SNX29: variants seen among roughly 807,000 people sequenced by gnomAD.
SNX29 encodes the protein sorting nexin-29.
SNX29 carries 78 observed loss-of-function variants against 102.1 expected under a neutral mutation model. The ratio of observed to expected loss-of-function variants is 0.76; its 90% CI spans 0.64 to 0.92. SNX29 has a LOEUF of 0.92. Ranked by LOEUF, SNX29 falls within the 40% of genes least tolerant of loss-of-function variation. The pLI is 0.00. For synonymous variants in SNX29, 580 were observed against 414.5 expected, an observed-to-expected ratio of 1.40 and a Z score of -4.85; for missense variants, 1,280 against 1,061.7, an observed-to-expected ratio of 1.21 and a Z score of -2.86.
chr16:12,291,212 A>G (rs1456013538), intron 15 of SNX29, among the ~76,000 whole-genome samples: 2 of 152,198 alleles, frequency 1.3e-5, no homozygotes, highest in Non-Finnish European at 2.9e-5. Context: ...TGATAAAGAC[A>G]TGCCCAAGAC....
chr16:12,551,477 G>C (rs888997015), intron 20 of SNX29, among the ~76,000 whole-genome samples: 1 of 152,144 alleles, frequency 6.6e-6, no homozygotes, highest in Non-Finnish European at 1.5e-5. Flanking sequence ...GGCCCTGCCT[G>C]GTTAATGCAA....
chr16:12,477,801 A>G lies in SNX29; in HGVS notation c.2120A>G (p.Asn707Ser). 2 of 1,613,608 alleles carry G rather than the reference A, an allele frequency of 1.2e-6. No homozygotes were observed. The highest frequency in any genetic ancestry group is 1.7e-6 in the Non-Finnish European group (2 of 1,179,774). Residue 707 changes from asparagine to serine, a missense_variant, in exon 19 of 21, where the codon AAC becomes AGC. By Grantham distance (46) the Asn-to-Ser change is conservative. Transcript: ENST00000566228. Reference protein sequence around the residue: ...EFRSLHHKLQNKYPQVRAYNF... With the variant: ...EFRSLHHKLQSKYPQVRAYNF... ...AGGAGTTTGCACCACAAGTTACAAA[A>G]CAAGTACCCTCAAGTGAGGGCCTAC... is the stretch of plus-strand genomic sequence containing the variant.
intron 15 of SNX29, among the ~76,000 whole-genome samples, chr16:12,351,532 T>C (rs1250331870): frequency 2.0e-5 from 3 of 152,158 alleles, no homozygotes; most frequent in Non-Finnish European, 4.4e-5. Flanking sequence ...TACTTGAATG[T>C]GATTAGATGG....
intron 15 of SNX29, among the ~76,000 whole-genome samples, chr16:12,337,578 G>T (rs549563063): frequency 1.3e-5 from 2 of 152,156 alleles, no homozygotes; most frequent in African/African-American, 4.8e-5. Flanking sequence ...CTGGGTTCAA[G>T]CGATCCTCCC....
chr16:12,555,987 T>TG (rs2078319276), intron 20 of SNX29, among the ~76,000 whole-genome samples: 1 of 144,086 alleles, frequency 6.9e-6, no homozygotes, highest in Admixed American at 7.0e-5. Flanking sequence ...AATTTTCAAG[T>TG]GTTTTTTTTG....
chr16:12,328,554 T>C (rs2151202039), intron 15 of SNX29, among the ~76,000 whole-genome samples: 1 of 152,166 alleles, frequency 6.6e-6, no homozygotes, highest in Non-Finnish European at 1.5e-5. Flanking sequence ...GAGTGATACC[T>C]GTGTGCCCAG....
intron 18 of SNX29, among the ~76,000 whole-genome samples, chr16:12,449,465 G>A (rs13380536): frequency 0.035 from 5,384 of 152,096 alleles, 174 homozygotes; most frequent in African/African-American, 0.082. Flanking sequence ...TTTGTATTTG[G>A]CATCTTAACT....
intron 4 of SNX29, among the ~76,000 whole-genome samples, chr16:12,042,650 C>G (rs1002456946): frequency 6.6e-6 from 1 of 152,324 alleles, no homozygotes; most frequent in South Asian, 2.1e-4. Flanking sequence ...CTGCATAGGA[C>G]ACAATTTTGT....
At chr16:12,525,701 C>G (rs942012473) in intron 20 of SNX29, among the ~76,000 whole-genome samples, 5 of 108,494 alleles carry the variant, frequency 4.6e-5, no homozygotes, top group African/African-American at 1.3e-4. Flanking sequence ...CCCCCCCACC[C>G]CCCCCCCCAA....
intron 17 of SNX29, among the ~76,000 whole-genome samples, chr16:12,399,716 G>A (rs564834926): frequency 6.6e-6 from 1 of 152,272 alleles, no homozygotes; most frequent in East Asian, 1.9e-4. Flanking sequence ...TCATGTTGGG[G>A]CAGCTGCTGG....
At chr16:12,306,444 G>T (rs559963035) in intron 15 of SNX29, among the ~76,000 whole-genome samples, 27 of 152,192 alleles carry the variant, frequency 1.8e-4, no homozygotes, top group African/African-American at 6.5e-4. Context: ...TGTTTAAAAT[G>T]AATTAAACAG....
intron 18 of SNX29, among the ~76,000 whole-genome samples, chr16:12,437,431 T>C (rs2085587193): frequency 6.6e-6 from 1 of 151,290 alleles, no homozygotes; most frequent in African/African-American, 2.4e-5. Context: ...GGTCAGGGGG[T>C]AGTGTGAGAG....
At chr16:12,326,708 A>G (rs1276311300) in intron 15 of SNX29, among the ~76,000 whole-genome samples, 2 of 152,174 alleles carry the variant, frequency 1.3e-5, no homozygotes, top group East Asian at 1.9e-4. Flanking sequence ...CAAGTCTCCA[A>G]TCCTGGACAA....
At chr16:12,025,161 G>C (rs1356180533) in intron 3 of SNX29, among the ~76,000 whole-genome samples, 1 of 152,034 alleles carries the variant, frequency 6.6e-6, no homozygotes, top group African/African-American at 2.4e-5. Flanking sequence ...CATTAGCCAG[G>C]CATGGTGGCA....
rs747795312 is a variant in SNX29, at chr16:12,051,965, G to T, written c.867G>T (p.Gly289=). Residue 289 remains glycine (G), a synonymous_variant, in exon 8 of 21, where the codon GGG becomes GGT. Coordinates refer to ENST00000566228, the MANE Select transcript of SNX29 (RefSeq NM_032167.5). ...TGTTTAAAAAGACACCTGGGGCAGG[G>T]GAGAGCTCAGAGGACAACTCCGACC... ...GDVFKKTPGA[G]ESSEDNSDRS... is the part of the protein sequence containing the mutation. The T allele has an allele frequency of 1.8e-5, 29 of 1,613,784 alleles. No homozygotes were observed. In the East Asian group the frequency reaches 5.8e-4, roughly 32 times the overall value.
At chr16:12,359,072 AG>A (rs912433738) in intron 16 of SNX29, among the ~76,000 whole-genome samples, 4 of 152,234 alleles carry the variant, frequency 2.6e-5, no homozygotes, top group Admixed American at 2.0e-4. Context: ...TCAGAAGTAC[AG>A]GTAAAATAAC....
chr16:12,433,280 C>T lies in SNX29; in HGVS notation c.2037+29751C>T, dbSNP rs1290586881. 2.6e-5 allele frequency among the ~76,000 whole-genome samples: 4 copies of T among 152,124 alleles called. No homozygotes were observed. The East Asian group carries it at 7.7e-4, about 29-fold the overall frequency. On this transcript the variant is annotated intron_variant, in intron 18 of 20. Coordinates refer to ENST00000566228, the MANE Select transcript of SNX29 (RefSeq NM_032167.5). Reference sequence around the variant, plus strand: ...GATGTAACGAGCCTTCTTCCTCTGCCTTAACGTCCACTGATTGGAACACCC... The same window carrying T: ...GATGTAACGAGCCTTCTTCCTCTGCTTTAACGTCCACTGATTGGAACACCC...
At chr16:11,979,797 T>G (rs2150957668) in intron 1 of SNX29, among the ~76,000 whole-genome samples, 2 of 152,218 alleles carry the variant, frequency 1.3e-5, no homozygotes, top group Middle Eastern at 3.4e-3. Flanking sequence ...TTGGCCAGGC[T>G]GGTCTCGAAC....
rs1279585788 is a variant in SNX29, at chr16:12,298,345, C to A, written c.1782+20309C>A. Among the ~76,000 whole-genome samples the A allele has an allele frequency of 3.3e-5, 5 of 152,134 alleles. No homozygotes were observed. In the East Asian group the frequency reaches 9.6e-4, roughly 29 times the overall value. On this transcript the variant is annotated intron_variant, in intron 15 of 20. Coordinates refer to ENST00000566228, the MANE Select transcript of SNX29 (RefSeq NM_032167.5). The stretch of plus-strand genomic sequence containing the variant: ...AGATAATTTCCTTAGACTCCTCATC[C>A]CCTGGATGGTTTTCTGCAGGGCTGA...
Sources: allele counts gnomAD v4.1 joint callset (sites outside exome capture counted in the v4.1 genomes callset), GRCh38; gene constraint gnomAD v4.1.1; transcripts MANE v1.5; gene names NCBI Gene and HGNC (gene_info 2026-07-23, HGNC 2026-07-21).